The following MB21D2 variants were observed in gnomAD, a reference collection of about 807,000 sequenced individuals.
MB21D2 encodes the protein Mab-21 domain containing 2.
Under a neutral mutation model 33.3 loss-of-function variants are expected in MB21D2, and 9 were observed. The ratio of observed to expected loss-of-function variants is 0.27; its 90% CI spans 0.16 to 0.47. MB21D2 has a LOEUF of 0.47. MB21D2 is among the 20% of genes least tolerant of loss of function. The probability of loss-of-function intolerance (pLI) is 0.99; values close to 1 mark genes in which losing one functional copy is unlikely to be tolerated. For synonymous variants in MB21D2, 241 were observed against 236.3 expected (o/e 1.02, Z -0.18); for missense variants, 540 against 624.6 (o/e 0.86, Z 1.44).
intron 1 of MB21D2, among the ~76,000 whole-genome samples, chr3:192,818,104 A>G (rs1711966308): frequency 6.6e-6 from 1 of 151,434 alleles, no homozygotes; most frequent in African/African-American, 2.4e-5. Context: ...TCCTAACCTT[A>G]CTCCACAATC....
At chr3:192,911,516 G>A (rs1714350276) in intron 1 of MB21D2, among the ~76,000 whole-genome samples, 2 of 152,204 alleles carry the variant, frequency 1.3e-5, no homozygotes, top group East Asian at 1.9e-4. Flanking sequence ...CACAGGACAG[G>A]ATGTTGACAT....
chr3:192,820,834 G>A (rs1443513105), intron 1 of MB21D2, among the ~76,000 whole-genome samples: 2 of 152,088 alleles, frequency 1.3e-5, no homozygotes, highest in Non-Finnish European at 2.9e-5. Flanking sequence ...GTGTGATCAC[G>A]GCTCACTCCA....
At chr3:192,837,800 C>A (rs1176676012) in intron 1 of MB21D2, among the ~76,000 whole-genome samples, 1 of 152,190 alleles carries the variant, frequency 6.6e-6, no homozygotes, top group Non-Finnish European at 1.5e-5. Flanking sequence ...AACACACACA[C>A]ATATTATAGT....
chr3:192,897,035 G>A (rs1275989500), intron 1 of MB21D2, among the ~76,000 whole-genome samples: 1 of 152,178 alleles, frequency 6.6e-6, no homozygotes, highest in Non-Finnish European at 1.5e-5. Context: ...ATGGAAGGAG[G>A]AGAAGAGAGA....
At chr3:192,843,495 G>A (rs116524455) in intron 1 of MB21D2, among the ~76,000 whole-genome samples, 1,530 of 152,136 alleles carry the variant, frequency 0.01, 37 homozygotes, top group African/African-American at 0.035. Flanking sequence ...CTCAGCAAGC[G>A]TCCTTTTAGA....
intron 1 of MB21D2, among the ~76,000 whole-genome samples, chr3:192,903,457 T>C (rs1326786539): frequency 2.6e-5 from 4 of 152,220 alleles, no homozygotes; most frequent in Admixed American, 2.0e-4. Flanking sequence ...GGTTTTATTT[T>C]GCTTTTTTAA....
chr3:192,884,516 G>A lies in MB21D2; in HGVS notation c.211+33114C>T, dbSNP rs1003197587. Among the ~76,000 whole-genome samples the A allele has an allele frequency of 1.2e-4, 17 of 139,006 alleles. 1 individual carries two copies. Among genetic ancestry groups the A allele is most frequent in the South Asian group, 1.0e-3 (4 of 3,922 alleles). 91.2% of individuals were successfully genotyped at this position (139,006 alleles called of 152,430 possible). A position where few individuals can be genotyped will look rare whatever the true frequency, so the allele number is the denominator to read the frequency against. On this transcript the variant is annotated intron_variant, in intron 1 of 1. Transcript: ENST00000392452. ...CGAGTAGCTGGGACTACAGGCGCCC[G>A]CCACCACGCCCGGCTAATTTTTTGT...
chr3:192,849,403 C>T (rs1005722249), intron 1 of MB21D2, among the ~76,000 whole-genome samples: 6 of 151,902 alleles, frequency 3.9e-5, no homozygotes, highest in East Asian at 3.9e-4. Context: ...CTGCAACCTC[C>T]GCCTCCCGGG....
chr3:192,878,082 T>G (rs1713475537), intron 1 of MB21D2, among the ~76,000 whole-genome samples: 10 of 24,318 alleles, frequency 4.1e-4, no homozygotes, highest in Admixed American at 2.0e-3. Flanking sequence ...ATTCCTCCTC[T>G]TTTTTTTTTT....
At chr3:192,870,660 G>C (rs575864320) in intron 1 of MB21D2, among the ~76,000 whole-genome samples, 1 of 125,672 alleles carries the variant, frequency 8.0e-6, no homozygotes, top group African/African-American at 3.1e-5. Context: ...GTAGTGAGCT[G>C]AGATTGCACC....
At chr3:192,870,041 G>A (rs2108637226) in intron 1 of MB21D2, among the ~76,000 whole-genome samples, 1 of 152,334 alleles carries the variant, frequency 6.6e-6, no homozygotes, top group South Asian at 2.1e-4. Context: ...CTAGCTGAAT[G>A]AATAAGGCTA....
chr3:192,906,114 C>T (rs1317207647), intron 1 of MB21D2, among the ~76,000 whole-genome samples: 1 of 152,194 alleles, frequency 6.6e-6, no homozygotes, highest in East Asian at 1.9e-4. Flanking sequence ...CAGCATCATC[C>T]CATGAAAGCT....
At chr3:192,819,317 G>A (rs1204660097) in intron 1 of MB21D2, among the ~76,000 whole-genome samples, 1 of 152,208 alleles carries the variant, frequency 6.6e-6, no homozygotes, top group African/African-American at 2.4e-5. Flanking sequence ...TTTGCCCACG[G>A]TGACTAACAC....
chr3:192,804,788 TA>T (rs1159251963), intron 1 of MB21D2, among the ~76,000 whole-genome samples: 2 of 152,150 alleles, frequency 1.3e-5, no homozygotes, highest in Non-Finnish European at 2.9e-5. Context: ...ATAAACAATA[TA>T]AAACCTTCCT....
chr3:192,809,557 G>A (rs1049116746), intron 1 of MB21D2, among the ~76,000 whole-genome samples: 1 of 152,126 alleles, frequency 6.6e-6, no homozygotes, highest in African/African-American at 2.4e-5. Context: ...GTAATACCTT[G>A]GGCCTTTGGA....
intron 1 of MB21D2, among the ~76,000 whole-genome samples, chr3:192,830,262 GT>G (rs1391260888): frequency 1.4e-5 from 2 of 146,622 alleles, no homozygotes; most frequent in Admixed American, 6.8e-5. Context: ...GTGTGTGTGT[GT>G]GTGTGTGGGT....
chr3:192,877,792 C>T (rs1713464115), intron 1 of MB21D2, among the ~76,000 whole-genome samples: 1 of 152,188 alleles, frequency 6.6e-6, no homozygotes, highest in South Asian at 2.1e-4. Flanking sequence ...AGCAAACTCA[C>T]ATGCAAGTAC....
Position 192,799,348 on chromosome 3 carries a change from T to G in MB21D2, c.514A>C (p.Asn172His). ...GAGAAGAAGTAGTTGGTGGCACCAT[T>G]GATGTGATCTACAATGGTGCAGCAG... ...KDCCTIVDHI[N>H]GATNYFFSPT... is the part of the protein sequence containing the mutation. Residue 172 changes from asparagine (N) to histidine (H), a missense_variant, in exon 2 of 2, where the codon AAT becomes CAT. Physicochemically the swap from Asn to His is moderately conservative, Grantham distance 68. Coordinates refer to ENST00000392452, the MANE Select transcript of MB21D2 (RefSeq NM_178496.4). The surrounding 1 kb of genome is among the most constrained non-coding windows in gnomAD (Gnocchi z 4.1). 6.2e-7 allele frequency: 1 copy of G among 1,614,238 alleles called. No homozygotes were observed.
intron 1 of MB21D2, among the ~76,000 whole-genome samples, chr3:192,817,515 C>T (rs1711954643): frequency 6.6e-6 from 1 of 152,184 alleles, no homozygotes; most frequent in African/African-American, 2.4e-5. Flanking sequence ...TAATCTTTTA[C>T]AGGACTCAAT....
Sources: gnomAD v4.1 joint callset for allele counts (sites outside exome capture counted in the v4.1 genomes callset) on GRCh38, gnomAD v4.1.1 for gene constraint, Gnocchi (gnomAD v3.1) non-coding constraint, MANE v1.5 for transcripts, NCBI Gene and HGNC (gene_info 2026-07-23, HGNC 2026-07-21) for gene names.